Variants in GNAQ observed in about 807,000 individuals in gnomAD.
GNAQ encodes G protein subunit alpha q.
Under a neutral mutation model 43.9 loss-of-function variants are expected in GNAQ, and 8 were observed. That is an observed-to-expected ratio of 0.18 (90% CI 0.11 to 0.33). The LOEUF (loss-of-function observed/expected upper bound fraction) is 0.33, where lower values mean the gene tolerates loss of function less well. Ranked by LOEUF, GNAQ falls within the 10% of genes least tolerant of loss-of-function variation. The probability of loss-of-function intolerance (pLI) is 1.00; values close to 1 mark genes in which losing one functional copy is unlikely to be tolerated. For missense variants in GNAQ, 158 were observed against 450.8 expected (o/e 0.35, Z 5.88); for synonymous variants, 155 against 170.7 (o/e 0.91, Z 0.71).
intron 2 of GNAQ, among the ~76,000 whole-genome samples, chr9:77,871,900 C>T (rs1828045455): frequency 6.6e-6 from 1 of 152,018 alleles, no homozygotes; most frequent in South Asian, 2.1e-4. Context: ...CATAAATGAC[C>T]ACATGAAAGG....
chr9:77,896,608 T>C (rs1347274878), intron 2 of GNAQ, among the ~76,000 whole-genome samples: 1 of 152,182 alleles, frequency 6.6e-6, no homozygotes, highest in Non-Finnish European at 1.5e-5. Flanking sequence ...ATTTCACCAG[T>C]TACCTAAAAA....
intron 2 of GNAQ, among the ~76,000 whole-genome samples, chr9:77,890,899 T>C (rs1428880273): frequency 6.6e-6 from 1 of 152,128 alleles, no homozygotes; most frequent in African/African-American, 2.4e-5. Context: ...ACAATCCCAG[T>C]AGGAGGATCA....
intron 1 of GNAQ, among the ~76,000 whole-genome samples, chr9:78,029,242 T>C (rs1824018804): frequency 6.6e-6 from 1 of 151,960 alleles, no homozygotes; most frequent in Non-Finnish European, 1.5e-5. Context: ...AGACCTCAAC[T>C]GCCCAGTTCA....
chr9:77,772,427 A>G (rs1037306558), intron 5 of GNAQ, among the ~76,000 whole-genome samples: 3 of 152,054 alleles, frequency 2.0e-5, no homozygotes, highest in African/African-American at 2.4e-5. Context: ...CCTGCCCCCA[A>G]TCTTCCTGGA....
chr9:77,760,381 A>AT (rs1377610839), intron 5 of GNAQ, among the ~76,000 whole-genome samples: 3 of 151,814 alleles, frequency 2.0e-5, no homozygotes, highest in South Asian at 2.1e-4. Context: ...TGGTTTTCGT[A>AT]TTTTTTTGGT....
intron 6 of GNAQ, among the ~76,000 whole-genome samples, chr9:77,722,653 CTTTTT>C (rs36194112): frequency 1.6e-4 from 18 of 115,758 alleles, no homozygotes; most frequent in South Asian, 2.9e-4. Context: ...TATCTAAGGA[CTTTTT>C]TTTTTTTTTT....
chr9:77,809,247 T>A (rs561489560), intron 3 of GNAQ, among the ~76,000 whole-genome samples: 5 of 152,284 alleles, frequency 3.3e-5, no homozygotes, highest in African/African-American at 9.6e-5. Context: ...TTTACCCAGC[T>A]CCCTGGAGGG....
intron 1 of GNAQ, among the ~76,000 whole-genome samples, chr9:78,000,241 G>A (rs1028056809): frequency 6.6e-6 from 1 of 152,064 alleles, no homozygotes; most frequent in Non-Finnish European, 1.5e-5. Context: ...AATGTAGAGC[G>A]GTGAAAAATA....
intron 2 of GNAQ, among the ~76,000 whole-genome samples, chr9:77,843,694 T>C (rs959141687): frequency 1.3e-5 from 2 of 152,212 alleles, no homozygotes; most frequent in Admixed American, 6.5e-5. Flanking sequence ...AAAGGAAGTC[T>C]ACAGGGAACC....
intron 1 of GNAQ, among the ~76,000 whole-genome samples, chr9:78,000,278 C>A (rs1823627834): frequency 6.6e-6 from 1 of 152,060 alleles, no homozygotes; most frequent in Non-Finnish European, 1.5e-5. Flanking sequence ...CCAGCAGAAC[C>A]TGAAGAAACA....
At chr9:77,856,176 G>A (rs1827751522) in intron 2 of GNAQ, among the ~76,000 whole-genome samples, 1 of 152,130 alleles carries the variant, frequency 6.6e-6, no homozygotes, top group African/African-American at 2.4e-5. Context: ...GGGGGTACAG[G>A]CTGATTTATG....
At chr9:77,751,415 A>G (rs1360139168) in intron 5 of GNAQ, among the ~76,000 whole-genome samples, 1 of 152,260 alleles carries the variant, frequency 6.6e-6, no homozygotes, top group Non-Finnish European at 1.5e-5. Flanking sequence ...TATACATGGC[A>G]TGTAACCAGT....
intron 5 of GNAQ, among the ~76,000 whole-genome samples, chr9:77,729,357 TGTGA>T (rs1050138003): frequency 3.3e-5 from 5 of 152,226 alleles, no homozygotes; most frequent in African/African-American, 9.6e-5. Flanking sequence ...TTTCAGCATC[TGTGA>T]GTAAGTGTTC....
chr9:77,773,845 T>A (rs899028842), intron 5 of GNAQ, among the ~76,000 whole-genome samples: 9 of 152,358 alleles, frequency 5.9e-5, no homozygotes, highest in Non-Finnish European at 1.2e-4. Context: ...CTAGGCTCTC[T>A]GAAGAACATT....
At chr9:77,981,637 T>A (rs1014648891) in intron 1 of GNAQ, among the ~76,000 whole-genome samples, 1 of 152,232 alleles carries the variant, frequency 6.6e-6, no homozygotes, top group African/African-American at 2.4e-5. Flanking sequence ...GAGGTGTCTT[T>A]AAAATACTTA....
chr9:77,727,823 C>T (rs1825421474), intron 6 of GNAQ, among the ~76,000 whole-genome samples: 1 of 152,084 alleles, frequency 6.6e-6, no homozygotes, highest in African/African-American at 2.4e-5. Flanking sequence ...AGACTGATTT[C>T]AGTGGTGGGC....
At chr9:77,912,876 G>A (rs1215319803) in intron 2 of GNAQ, among the ~76,000 whole-genome samples, 1 of 152,154 alleles carries the variant, frequency 6.6e-6, no homozygotes, top group East Asian at 1.9e-4. Flanking sequence ...TACTGGGTGA[G>A]GTGGTACACC....
At chr9:77,833,954 C>A (rs1324537040) in intron 2 of GNAQ, among the ~76,000 whole-genome samples, 1 of 152,058 alleles carries the variant, frequency 6.6e-6, no homozygotes, top group African/African-American at 2.4e-5. Flanking sequence ...AAAATTAAAA[C>A]CACATGGAAA....
chr9:78,010,718 T>C (rs768262316), intron 1 of GNAQ, among the ~76,000 whole-genome samples: 4 of 152,076 alleles, frequency 2.6e-5, no homozygotes, highest in African/African-American at 7.2e-5. Context: ...TCTACATTAA[T>C]AATAGCAACG....
Sources: allele counts gnomAD v4.1 joint callset (sites outside exome capture counted in the v4.1 genomes callset), GRCh38; gene constraint gnomAD v4.1.1; transcripts MANE v1.5; gene names NCBI Gene and HGNC (gene_info 2026-07-23, HGNC 2026-07-21).